Variants in MYO3B observed in about 807,000 individuals in gnomAD.
MYO3B encodes myosin-IIIb.
A neutral mutation model predicts 174.6 loss-of-function variants in MYO3B; 156 were observed. The ratio of observed to expected loss-of-function variants is 0.89; its 90% CI spans 0.78 to 1.02. The LOEUF (loss-of-function observed/expected upper bound fraction) is 1.02, where lower values mean the gene tolerates loss of function less well. Among genes scored for constraint, MYO3B ranks in the 50% least tolerant of loss-of-function variants. The pLI, the probability that MYO3B is intolerant of heterozygous loss-of-function variation, is 0.00. For missense variants in MYO3B, 1,632 were observed against 1,639.4 expected, an observed-to-expected ratio of 1.00 and a Z score of 0.08; for synonymous variants, 563 against 569.1, an observed-to-expected ratio of 0.99 and a Z score of 0.15.
rs1559323891 is a variant in MYO3B at position 170,236,154 on chromosome 2, G to C, written c.749+18G>C. 2 of 1,613,802 alleles carry C rather than the reference G, an allele frequency of 1.2e-6. No homozygotes were observed. On this transcript the variant is annotated intron_variant, in intron 7 of 34. Transcript: ENST00000408978. ...ATTCCAAGGTAAGACACAAGATGGC[G>C]CTCTTGACTCATTAGTTCTTTGTGA... is the stretch of plus-strand genomic sequence containing the variant.
At chr2:170,382,178 C>A in intron 10 of MYO3B, 66 bp downstream of exon 10, 1 of 1,310,270 alleles carries the variant, frequency 7.6e-7, no homozygotes. Flanking sequence ...TCTGAACTTT[C>A]TGTTGTAGAC....
intron 32 of MYO3B, among the ~76,000 whole-genome samples, chr2:170,585,507 C>T (rs1693446877): frequency 6.6e-6 from 1 of 152,174 alleles, no homozygotes; most frequent in Non-Finnish European, 1.5e-5. Context: ...TCTTGCAGAA[C>T]CATCCTCAAT....
chr2:170,617,579 A>C (rs1366582644), intron 32 of MYO3B, among the ~76,000 whole-genome samples: 4 of 152,188 alleles, frequency 2.6e-5, no homozygotes, highest in African/African-American at 9.7e-5. Flanking sequence ...CATACCAGTC[A>C]TAGCTATTGT....
At chr2:170,187,106 CTGTT>C (rs1333443916) in intron 1 of MYO3B, among the ~76,000 whole-genome samples, 7 of 151,494 alleles carry the variant, frequency 4.6e-5, no homozygotes, top group Non-Finnish European at 8.8e-5. Flanking sequence ...AAAAAACAAA[CTGTT>C]TGTTTCCTTG....
chr2:170,618,945 T>G (rs1245121208), intron 32 of MYO3B, among the ~76,000 whole-genome samples: 1 of 152,184 alleles, frequency 6.6e-6, no homozygotes, highest in Non-Finnish European at 1.5e-5. Flanking sequence ...AGAAGCACAA[T>G]CTTTCCATAA....
intron 7 of MYO3B, among the ~76,000 whole-genome samples, chr2:170,317,389 G>C (rs2105484632): frequency 6.6e-6 from 1 of 152,270 alleles, no homozygotes; most frequent in East Asian, 1.9e-4. Context: ...CAGAGGTTCT[G>C]TTTCATTAGG....
chr2:170,464,126 C>T (rs1030831519), intron 24 of MYO3B, among the ~76,000 whole-genome samples: 3 of 151,768 alleles, frequency 2.0e-5, no homozygotes, highest in Admixed American at 1.3e-4. Flanking sequence ...CTGAGGCAGG[C>T]GCATCACCTG....
intron 22 of MYO3B, among the ~76,000 whole-genome samples, chr2:170,439,521 C>T (rs759523785): frequency 2.0e-5 from 3 of 151,938 alleles, no homozygotes; most frequent in Non-Finnish European, 2.9e-5. Flanking sequence ...CTCTACAATT[C>T]GTTGATTGTT....
At chr2:170,383,210 A>C in intron 11 of MYO3B, 21 bp downstream of exon 11, 1 of 1,387,226 alleles carries the variant, frequency 7.2e-7, no homozygotes, top group Non-Finnish European at 1.0e-6. Context: ...TTTTAAGAGC[A>C]TACTGCTCCT....
At chr2:170,178,501 A>G (rs1340943047) in intron 1 of MYO3B, among the ~76,000 whole-genome samples, 1 of 152,006 alleles carries the variant, frequency 6.6e-6, no homozygotes, top group African/African-American at 2.4e-5. Flanking sequence ...CTCTTGAAGG[A>G]GTAGGATAAA....
At chr2:170,557,686 A>C (rs1691424770) in intron 32 of MYO3B, among the ~76,000 whole-genome samples, 1 of 152,126 alleles carries the variant, frequency 6.6e-6, no homozygotes, top group Non-Finnish European at 1.5e-5. Flanking sequence ...TGGACAAATA[A>C]ATTTGAAAAC....
intron 7 of MYO3B, among the ~76,000 whole-genome samples, chr2:170,285,570 G>A (rs1353941867): frequency 1.3e-5 from 2 of 151,994 alleles, no homozygotes; most frequent in African/African-American, 4.8e-5. Context: ...ACCATATGTT[G>A]GCCAGGCTGG....
chr2:170,308,236 T>C (rs149718801), intron 7 of MYO3B, among the ~76,000 whole-genome samples: 186 of 152,340 alleles, frequency 1.2e-3, no homozygotes, highest in African/African-American at 4.2e-3. Flanking sequence ...TGTTCTGTTC[T>C]AGCAACATTG....
At chr2:170,482,066 C>A (rs1685722604) in intron 25 of MYO3B, among the ~76,000 whole-genome samples, 3 of 151,950 alleles carry the variant, frequency 2.0e-5, no homozygotes. Flanking sequence ...ATCATGGGGG[C>A]ACATCTTTCC....
rs189319989 is a variant in MYO3B, at chr2:170,552,197, C to T, written c.3733+8209C>T. ...AAGATAACTGAAAATGTAGAAGCAA[C>T]TTTGGAACTGGGTAATGGGCAGAGG... On this transcript the variant is annotated intron_variant, in intron 32 of 34. Transcript: ENST00000408978. Among the ~76,000 whole-genome samples the T allele has an allele frequency of 4.5e-3, 690 of 152,194 alleles. 1 individual carries two copies. The highest frequency in any genetic ancestry group is 7.1e-3 in the Non-Finnish European group (483 of 68,022).
At chr2:170,402,743 G>A (rs1417937847) in intron 18 of MYO3B, 105 bp from the exon 19 acceptor site, 2 of 1,074,264 alleles carry the variant, frequency 1.9e-6, no homozygotes. Context: ...CCATGAGTGG[G>A]TGAATTGGGT....
chr2:170,374,343 A>G (rs550785209), intron 9 of MYO3B, among the ~76,000 whole-genome samples: 1 of 152,280 alleles, frequency 6.6e-6, no homozygotes, highest in African/African-American at 2.4e-5. Context: ...GGGACTGGCT[A>G]TTACAACAAA....
intron 32 of MYO3B, among the ~76,000 whole-genome samples, chr2:170,648,778 A>G (rs1185729068): frequency 5.0e-5 from 6 of 118,974 alleles, no homozygotes; most frequent in Non-Finnish European, 9.8e-5. Flanking sequence ...AATATATTCT[A>G]TGTATTCTAT....
chr2:170,458,079 A>G (rs1432791341), intron 23 of MYO3B, among the ~76,000 whole-genome samples: 1 of 152,226 alleles, frequency 6.6e-6, no homozygotes, highest in African/African-American at 2.4e-5. Context: ...AGTATTGTAA[A>G]TACGTAAACC....
Sources: allele counts gnomAD v4.1 joint callset (sites outside exome capture counted in the v4.1 genomes callset), GRCh38; gene constraint gnomAD v4.1.1; transcripts MANE v1.5; gene names NCBI Gene and HGNC (gene_info 2026-07-23, HGNC 2026-07-21).